KDF1: variants seen among roughly 807,000 people sequenced by gnomAD.
KDF1 encodes the protein keratinocyte differentiation factor 1, also known as RP11-344H11.3.
Under a neutral mutation model 31.6 loss-of-function variants are expected in KDF1, and 11 were observed. That is an observed-to-expected ratio of 0.35 (90% CI 0.22 to 0.58). The LOEUF is 0.58. KDF1 is among the 20% of genes least tolerant of loss of function. The pLI is 0.83. For synonymous variants in KDF1, 205 were observed against 214.4 expected, an observed-to-expected ratio of 0.96 and a Z score of 0.38; for missense variants, 476 against 549.1, an observed-to-expected ratio of 0.87 and a Z score of 1.33.
Position 26,951,952 on chromosome 1 carries a change from G to A in KDF1, c.429C>T (p.Pro143=), listed in dbSNP as rs535449942. ...GVPPSPDRAP[P]SRRDGQRLKS... ...TGAGCCGCTGGCCATCCCGCCGGCT[G>A]GGGGGTGCACGATCAGGGCTGGGGG... Residue 143 remains proline (P), a synonymous_variant, in exon 2 of 4, where the codon CCC becomes CCT. Transcript: ENST00000320567. The surrounding 1 kb of genome is among the most constrained non-coding windows in gnomAD (Gnocchi z 5.4). The A allele has an allele frequency of 6.2e-7, 1 of 1,605,182 alleles. No individual in the cohort carries two copies. Among genetic ancestry groups the A allele is most frequent in the Non-Finnish European group, 8.5e-7 (1 of 1,174,006 alleles).
Position 26,950,581 on chromosome 1 carries a change from GTCATCC to G in KDF1, c.1114+95_1114+100del. On this transcript the variant is annotated intron_variant, in intron 3 of 3. Transcript: ENST00000320567. This position sits in a 1 kb window ranked among gnomAD's most constrained non-coding sequence, Gnocchi z 4.0. The stretch of plus-strand genomic sequence containing the variant: ...GCTTAGGTCCCCGTCCCTTTTTGAT[GTCATCC>G]TCATCACCCCAAAAGAAAGCTGGGA... The G allele has an allele frequency of 2.0e-6, 2 of 985,184 alleles. No homozygotes were observed. The highest frequency in any genetic ancestry group is 4.8e-5 in the East Asian group (2 of 41,592). The allele number at this position is 985,184 out of a possible 1,614,324, so 61.0% of individuals were successfully genotyped here.
intron 1 of KDF1, among the ~76,000 whole-genome samples, chr1:26,954,117 T>C (rs968871437): frequency 4.0e-5 from 6 of 151,500 alleles, no homozygotes; most frequent in African/African-American, 1.5e-4. Context: ...TCAGCTGGGG[T>C]AGATGAAAAA....
chr1:26,954,850 A>T (rs1161400604), intron 1 of KDF1, among the ~76,000 whole-genome samples: 1 of 145,006 alleles, frequency 6.9e-6, no homozygotes, highest in Non-Finnish European at 1.5e-5. Flanking sequence ...AAAAAAAAAA[A>T]GTTAATAAGT....
intron 1 of KDF1, among the ~76,000 whole-genome samples, chr1:26,955,003 G>A (rs1202711237): frequency 1.3e-5 from 2 of 151,182 alleles, no homozygotes; most frequent in Non-Finnish European, 3.0e-5. Flanking sequence ...GATTACAGAC[G>A]TCCGCTACCA....
Position 26,952,352 on chromosome 1 carries a change from G to T in KDF1, c.29C>A (p.Ala10Glu), listed in dbSNP as rs768274676. Residue 10 changes from alanine to glutamate, a missense_variant, in exon 2 of 4, where the codon GCA (alanine) becomes GAA (glutamate). This residue lies in a region of KDF1 where 330 missense variants were observed against 332.3 expected (regional missense o/e 0.99). Transcript: ENST00000320567. The surrounding 1 kb of genome is among the most constrained non-coding windows in gnomAD (Gnocchi z 4.1). MPRPGHPRPASGPPRLGPWE... is the reference protein window; with the variant it reads MPRPGHPRPESGPPRLGPWE... ...CGGTCCCAAGCGTGGAGGCCCAGATGCTGGGCGGGGGTGTCCAGGGCGGGG... is the reference window on the plus strand; with the variant it reads ...CGGTCCCAAGCGTGGAGGCCCAGATTCTGGGCGGGGGTGTCCAGGGCGGGG... 6.6e-7 allele frequency: 1 copy of T among 1,515,932 alleles called. No individual in the cohort carries two copies. Among genetic ancestry groups the T allele is most frequent in the Non-Finnish European group, 8.8e-7 (1 of 1,134,430 alleles). 93.9% of individuals were successfully genotyped at this position (1,515,932 alleles called of 1,614,324 possible).
In KDF1 at chr1:26,951,460, T is replaced by A. The variant is rs745655417; in HGVS notation, c.921A>T (p.Arg307=). The A allele has an allele frequency of 6.2e-7, 1 of 1,613,920 alleles. No individual in the cohort carries two copies. Among genetic ancestry groups the A allele is most frequent in the South Asian group, 1.1e-5 (1 of 91,084 alleles). ...AGGTCTGTGGGCGAGCACGGCTCTT[T>A]CGGGTACTAATGCGAATGATGCCGC... is the stretch of plus-strand genomic sequence containing the variant. ...LVRGIIRIST[R]KSRARPQTSE... The change falls in exon 2 of 4, where the codon CGA becomes CGT. Residue 307 remains arginine (R), a synonymous_variant. Coordinates refer to ENST00000320567, the MANE Select transcript of KDF1 (RefSeq NM_152365.3). The surrounding 1 kb of genome is among the most constrained non-coding windows in gnomAD (Gnocchi z 5.4).
At chr1:26,959,035 T>C (rs2082389455) in intron 1 of KDF1, among the ~76,000 whole-genome samples, 1 of 152,228 alleles carries the variant, frequency 6.6e-6, no homozygotes, top group African/African-American at 2.4e-5. Context: ...ACAATTGCTC[T>C]GAAAATAAGT....
intron 1 of KDF1, among the ~76,000 whole-genome samples, chr1:26,958,801 G>T (rs1390844773): frequency 6.6e-6 from 1 of 152,160 alleles, no homozygotes; most frequent in African/African-American, 2.4e-5. Context: ...TGTCTTCCAG[G>T]CTCAAGCCTT....
chr1:26,955,569 T>A (rs1461193191), intron 1 of KDF1, among the ~76,000 whole-genome samples: 1 of 152,238 alleles, frequency 6.6e-6, no homozygotes, highest in African/African-American at 2.4e-5. Context: ...GCTGGCCCTG[T>A]GCTGGGTACC....
rs2082352124 is a variant in KDF1 at position 26,951,951 on chromosome 1, T to TG, written c.429dup (p.Ser144GlnfsTer22). Reference sequence around the variant, plus strand: ...TTGAGCCGCTGGCCATCCCGCCGGCTGGGGGGTGCACGATCAGGGCTGGGG... The same window carrying TG: ...TTGAGCCGCTGGCCATCCCGCCGGCTGGGGGGGTGCACGATCAGGGCTGGGG... On this transcript the variant is annotated frameshift_variant, in exon 2 of 4. Coordinates refer to ENST00000320567, the MANE Select transcript of KDF1 (RefSeq NM_152365.3). LOFTEE classifies it high-confidence loss of function. The surrounding 1 kb of genome is among the most constrained non-coding windows in gnomAD (Gnocchi z 5.4). 1.2e-6 allele frequency: 2 copies of TG among 1,605,866 alleles called. No homozygotes were observed. Among genetic ancestry groups the TG allele is most frequent in the Non-Finnish European group, 1.7e-6 (2 of 1,174,436 alleles).
At chr1:26,959,936 TC>T (rs2082393729) in intron 1 of KDF1, among the ~76,000 whole-genome samples, 1 of 151,930 alleles carries the variant, frequency 6.6e-6, no homozygotes, top group Non-Finnish European at 1.5e-5. Flanking sequence ...CCTGGCACTG[TC>T]CCCCGGGCTA....
chr1:26,959,357 C>T (rs1195194067), intron 1 of KDF1, among the ~76,000 whole-genome samples: 3 of 152,170 alleles, frequency 2.0e-5, no homozygotes, highest in Admixed American at 6.5e-5. Flanking sequence ...GCCACCACCC[C>T]GCCCAATCCT....
chr1:26,950,022 G>C lies in KDF1; in HGVS notation c.*47C>G. 1 of 1,560,452 alleles carries C rather than the reference G, an allele frequency of 6.4e-7. No homozygotes were observed. The highest frequency in any genetic ancestry group is 8.8e-7 in the Non-Finnish European group (1 of 1,132,548). On this transcript the variant is annotated 3_prime_UTR_variant, in exon 4 of 4. Coordinates refer to ENST00000320567, the MANE Select transcript of KDF1 (RefSeq NM_152365.3). The surrounding 1 kb of genome is among the most constrained non-coding windows in gnomAD (Gnocchi z 4.0). ...TCCTGGTCCCCCTCTTCATTCTGTA[G>C]GCCATGCTTCTCCCAGAAAGGGTGT...
chr1:26,951,582 C>A lies in KDF1; in HGVS notation c.799G>T (p.Val267Leu). ...DELAKCTSDTVFLEKTSKISD... is the reference protein window; with the variant it reads ...DELAKCTSDTLFLEKTSKISD... ...ATCTTACTGGTCTTCTCCAGGAACA[C>A]AGTGTCTGATGTGCACTTGGCCAGC... The change falls in exon 2 of 4, where the codon GTG (valine) becomes TTG (leucine). Residue 267 changes from valine to leucine, a missense_variant. Val to Leu is a conservative substitution (Grantham distance 32, BLOSUM62 1). Transcript: ENST00000320567. This position sits in a 1 kb window ranked among gnomAD's most constrained non-coding sequence, Gnocchi z 5.4. The A allele has an allele frequency of 6.2e-7, 1 of 1,613,160 alleles. No homozygotes were observed. Among genetic ancestry groups the A allele is most frequent in the Non-Finnish European group, 8.5e-7 (1 of 1,179,298 alleles).
chr1:26,951,098 G>A lies in KDF1; in HGVS notation c.1039+244C>T, dbSNP rs2082345946. On this transcript the variant is annotated intron_variant, in intron 2 of 3. Coordinates refer to ENST00000320567, the MANE Select transcript of KDF1 (RefSeq NM_152365.3). The surrounding 1 kb of genome is among the most constrained non-coding windows in gnomAD (Gnocchi z 5.4). ...CAGAGGGAACCTTGACCTTTCTGGG[G>A]ACAGCAGCGATGGCCAGAGAGCTCT... Among the ~76,000 whole-genome samples, 1 of 152,172 alleles carries A rather than the reference G, an allele frequency of 6.6e-6. No homozygotes were observed. Among genetic ancestry groups the A allele is most frequent in the Non-Finnish European group, 1.5e-5 (1 of 68,034 alleles).
At position 26,950,339 on chromosome 1, in the gene KDF1, A is replaced by C. The variant is rs2082341782; in HGVS notation, c.1115-188T>G. ...CCCTAGCCTCCCTTTCTGTAAAAGGATAATGATTCCACTCCCAGGGGGTTG... is the reference window on the plus strand; with the variant it reads ...CCCTAGCCTCCCTTTCTGTAAAAGGCTAATGATTCCACTCCCAGGGGGTTG... On this transcript the variant is annotated intron_variant, in intron 3 of 3. Transcript: ENST00000320567. This position sits in a 1 kb window ranked among gnomAD's most constrained non-coding sequence, Gnocchi z 4.0. Among the ~76,000 whole-genome samples the C allele has an allele frequency of 6.6e-6, 1 of 152,134 alleles. No homozygotes were observed. The highest frequency in any genetic ancestry group is 2.4e-5 in the African/African-American group (1 of 41,426).
chr1:26,951,310 C>G lies in KDF1; in HGVS notation c.1039+32G>C. 2.7e-6 allele frequency: 4 copies of G among 1,501,380 alleles called. No homozygotes were observed. Among genetic ancestry groups the G allele is most frequent in the Non-Finnish European group, 3.6e-6 (4 of 1,118,818 alleles). The allele number at this position is 1,501,380 out of a possible 1,614,324, so 93.0% of individuals were successfully genotyped here. On this transcript the variant is annotated intron_variant, in intron 2 of 3. Transcript: ENST00000320567. The surrounding 1 kb of genome is among the most constrained non-coding windows in gnomAD (Gnocchi z 5.4). ...TCCCCTGGCCAGAGCCTCCCCTACT[C>G]TGCCCCTCAGCCCCATGGGGCCCCC...
At position 26,949,805 on chromosome 1, in the gene KDF1, T is replaced by C; in HGVS notation, c.*264A>G. 1 of 428,702 alleles carries C rather than the reference T, an allele frequency of 2.3e-6. No homozygotes were observed. Among genetic ancestry groups the C allele is most frequent in the Non-Finnish European group, 4.3e-6 (1 of 230,776 alleles). The allele number at this position is 428,702 out of a possible 1,614,324, so 26.6% of individuals were successfully genotyped here. On this transcript the variant is annotated 3_prime_UTR_variant, in exon 4 of 4. Coordinates refer to ENST00000320567, the MANE Select transcript of KDF1 (RefSeq NM_152365.3). ...AGAAGGTAATGCCTAACTCCTTACT[T>C]TCCATGATCAGGCCACCTGAAGACC...
rs779210479 is a variant in KDF1 at position 26,950,676 on chromosome 1, C to T, written c.1114+6G>A. On this transcript the variant is annotated splice_donor_region_variant and intron_variant, in intron 3 of 3. Coordinates refer to ENST00000320567, the MANE Select transcript of KDF1 (RefSeq NM_152365.3). The surrounding 1 kb of genome is among the most constrained non-coding windows in gnomAD (Gnocchi z 4.0). ...CTCCACACCCCTCATTAGGTCAAGA[C>T]CACACCTGGAGCTCCATAAGGCCTC... 1 of 1,607,464 alleles carries T rather than the reference C, an allele frequency of 6.2e-7. No homozygotes were observed. The highest frequency in any genetic ancestry group is 2.2e-5 in the East Asian group (1 of 44,832).
Sources: allele counts gnomAD v4.1 joint callset (sites outside exome capture counted in the v4.1 genomes callset), GRCh38; gene constraint gnomAD v4.1.1; regional missense constraint gnomAD v4.1.1; non-coding constraint Gnocchi (gnomAD v3.1); transcripts MANE v1.5; gene names NCBI Gene and HGNC (gene_info 2026-07-23, HGNC 2026-07-21).